Variants in GULP1 observed in about 807,000 individuals in gnomAD.
The protein encoded by GULP1 is GULP PTB domain containing engulfment adaptor 1.
GULP1 carries 19 observed loss-of-function variants against 40.9 expected under a neutral mutation model. The ratio of observed to expected loss-of-function variants is 0.46; its 90% CI spans 0.32 to 0.68. GULP1 has a LOEUF of 0.68. Among genes scored for constraint, GULP1 ranks in the 30% least tolerant of loss-of-function variants. GULP1 has a pLI of 0.03. For missense variants in GULP1, 312 were observed against 362.2 expected, an observed-to-expected ratio of 0.86 and a Z score of 1.12; for synonymous variants, 119 against 117.6, an observed-to-expected ratio of 1.01 and a Z score of -0.08.
chr2:188,418,488 C>A (rs1045202692), intron 2 of GULP1, among the ~76,000 whole-genome samples: 1 of 152,094 alleles, frequency 6.6e-6, no homozygotes, highest in African/African-American at 2.4e-5. Context: ...AAAAAATTAG[C>A]CGGGCATGGT....
chr2:188,583,586 G>A (rs766872900), intron 9 of GULP1, among the ~76,000 whole-genome samples: 5 of 152,006 alleles, frequency 3.3e-5, no homozygotes, highest in Non-Finnish European at 7.4e-5. Flanking sequence ...TTCCCTATAT[G>A]TGTTCAGTCC....
intron 6 of GULP1, among the ~76,000 whole-genome samples, chr2:188,533,347 A>G (rs992344483): frequency 6.6e-6 from 1 of 152,082 alleles, no homozygotes; most frequent in Non-Finnish European, 1.5e-5. Flanking sequence ...CAGCCATCTG[A>G]TTTTTTGACA....
intron 2 of GULP1, among the ~76,000 whole-genome samples, chr2:188,396,796 C>T (rs1162135195): frequency 6.6e-6 from 1 of 152,206 alleles, no homozygotes; most frequent in Non-Finnish European, 1.5e-5. Flanking sequence ...CCTGAGTTAG[C>T]TGGCAGGCTT....
chr2:188,381,866 C>G (rs2049041589), intron 1 of GULP1, among the ~76,000 whole-genome samples: 1 of 152,092 alleles, frequency 6.6e-6, no homozygotes, highest in African/African-American at 2.4e-5. Context: ...TGATACAACC[C>G]TTACATTTTA....
chr2:188,361,180 T>A (rs939263644), intron 1 of GULP1, among the ~76,000 whole-genome samples: 1 of 152,074 alleles, frequency 6.6e-6, no homozygotes, highest in African/African-American at 2.4e-5. Context: ...TTTTTGTCAA[T>A]CATTTATTCA....
chr2:188,545,495 T>A (rs79114121), intron 7 of GULP1, among the ~76,000 whole-genome samples: 1,664 of 151,954 alleles, frequency 0.011, 36 homozygotes, highest in African/African-American at 0.038. Flanking sequence ...ACACCTCACA[T>A]GAACTGGAAA....
chr2:188,412,318 G>C (rs2054001327), intron 2 of GULP1, among the ~76,000 whole-genome samples: 1 of 152,074 alleles, frequency 6.6e-6, no homozygotes, highest in Admixed American at 6.6e-5. Flanking sequence ...CCTCCCACGG[G>C]TAATTTAATG....
chr2:188,436,469 G>A (rs2057417227), intron 2 of GULP1, among the ~76,000 whole-genome samples: 1 of 151,938 alleles, frequency 6.6e-6, no homozygotes. Context: ...TTTCCTCACT[G>A]ATTTAGCTGA....
intron 4 of GULP1, among the ~76,000 whole-genome samples, chr2:188,513,803 T>G (rs1447931140): frequency 6.6e-6 from 1 of 152,106 alleles, no homozygotes; most frequent in Non-Finnish European, 1.5e-5. Flanking sequence ...TTTTGTCTAT[T>G]TGGATTTACA....
At chr2:188,342,376 C>G (rs926175226) in intron 1 of GULP1, among the ~76,000 whole-genome samples, 3 of 152,106 alleles carry the variant, frequency 2.0e-5, no homozygotes, top group African/African-American at 4.8e-5. Flanking sequence ...TCCTCCATGT[C>G]TCTTTGTGTC....
chr2:188,419,369 CT>C (rs1296562091), intron 2 of GULP1, among the ~76,000 whole-genome samples: 1 of 152,012 alleles, frequency 6.6e-6, no homozygotes, highest in Non-Finnish European at 1.5e-5. Context: ...TACCTGTTGC[CT>C]TTTGTCTTTT....
chr2:188,433,451 G>A (rs1026460964), intron 2 of GULP1, among the ~76,000 whole-genome samples: 1 of 152,044 alleles, frequency 6.6e-6, no homozygotes, highest in African/African-American at 2.4e-5. Context: ...CAATGGAGAA[G>A]ATCCTTTAGA....
intron 2 of GULP1, among the ~76,000 whole-genome samples, chr2:188,435,624 C>T (rs898297757): frequency 2.6e-5 from 4 of 151,958 alleles, no homozygotes; most frequent in East Asian, 1.9e-4. Context: ...GTGTCCTTGG[C>T]GTAGGGTATC....
intron 4 of GULP1, among the ~76,000 whole-genome samples, chr2:188,503,842 C>CT (rs2063665016): frequency 6.6e-6 from 1 of 151,864 alleles, no homozygotes; most frequent in Non-Finnish European, 1.5e-5. Flanking sequence ...ACGCTACCAT[C>CT]TTTTTTATCT....
At chr2:188,462,928 C>G (rs1265847411) in intron 2 of GULP1, among the ~76,000 whole-genome samples, 1 of 151,998 alleles carries the variant, frequency 6.6e-6, no homozygotes, top group Non-Finnish European at 1.5e-5. Context: ...ACTTCATACC[C>G]GTTTTCTTTT....
chr2:188,521,322 T>C (rs2065754500), intron 4 of GULP1, among the ~76,000 whole-genome samples: 1 of 152,164 alleles, frequency 6.6e-6, no homozygotes, highest in South Asian at 2.1e-4. Context: ...TATTGCAGTG[T>C]GATAATTATT....
intron 7 of GULP1, among the ~76,000 whole-genome samples, chr2:188,553,593 C>CA (rs1694048640): frequency 6.6e-6 from 1 of 151,992 alleles, no homozygotes; most frequent in South Asian, 2.1e-4. Flanking sequence ...CTATGTTCAT[C>CA]AGGAATATTG....
At chr2:188,531,284 C>A (rs1687469591) in intron 6 of GULP1, among the ~76,000 whole-genome samples, 1 of 152,134 alleles carries the variant, frequency 6.6e-6, no homozygotes, top group Admixed American at 6.5e-5. Flanking sequence ...ATGCGGTAGG[C>A]CTCATTTTCA....
chr2:188,405,672 C>T (rs2052978275), intron 2 of GULP1, among the ~76,000 whole-genome samples: 1 of 152,206 alleles, frequency 6.6e-6, no homozygotes, highest in South Asian at 2.1e-4. Context: ...AGCTTACATT[C>T]AGGGACTCAG....
Sources: gnomAD v4.1 joint callset for allele counts (sites outside exome capture counted in the v4.1 genomes callset) on GRCh38, gnomAD v4.1.1 for gene constraint, MANE v1.5 for transcripts, NCBI Gene and HGNC (gene_info 2026-07-23, HGNC 2026-07-21) for gene names.